The following USP7 variants were observed in gnomAD, a reference collection of about 807,000 sequenced individuals.
The protein encoded by USP7 is ubiquitin specific peptidase 7.
USP7 carries 9 observed loss-of-function variants against 162.9 expected under a neutral mutation model. That is an observed-to-expected ratio of 0.06 (90% CI 0.03 to 0.10). USP7 has a LOEUF of 0.10. Among genes scored for constraint, USP7 ranks in the 10% least tolerant of loss-of-function variants. The pLI, the probability that USP7 is intolerant of heterozygous loss-of-function variation, is 1.00. For synonymous variants in USP7, 562 were observed against 475.9 expected (o/e 1.18, Z -2.35); for missense variants, 715 against 1,373.7 (o/e 0.52, Z 7.58).
At chr16:8,943,616 G>A (rs887473709) in intron 1 of USP7, among the ~76,000 whole-genome samples, 2 of 152,066 alleles carry the variant, frequency 1.3e-5, no homozygotes, top group Admixed American at 6.6e-5. Context: ...CTGGATTAAC[G>A]GTGAAAAGCA....
intron 5 of USP7, among the ~76,000 whole-genome samples, chr16:8,919,558 T>A (rs1897567814): frequency 6.6e-6 from 1 of 151,562 alleles, no homozygotes; most frequent in South Asian, 2.1e-4. Flanking sequence ...GAAACAGAAG[T>A]GTGTATTCAC....
At chr16:8,899,433 G>T (rs940583927) in intron 22 of USP7, 171 bp downstream of exon 22, 2 of 925,042 alleles carry the variant, frequency 2.2e-6, no homozygotes, top group Non-Finnish European at 3.2e-6. Context: ...TTCTGATGGC[G>T]ATTATTCTAG....
chr16:8,955,503 A>T (rs1332278136), intron 1 of USP7, among the ~76,000 whole-genome samples: 3 of 152,104 alleles, frequency 2.0e-5, no homozygotes, highest in Non-Finnish European at 2.9e-5. Flanking sequence ...GAGGCAGCTC[A>T]TGAGGTCAGG....
In USP7 at chr16:8,897,215, A is replaced by G. The variant is rs560345254; in HGVS notation, c.2719-116T>C. On this transcript the variant is annotated intron_variant, in intron 25 of 30. Transcript: ENST00000344836. ...TCTCAACTGTCCCCAGCTGGCCCCC[A>G]TGTTCTTGCTCTCATTCCCACCCCA... The G allele has an allele frequency of 3.8e-6, 3 of 783,582 alleles. No homozygotes were observed. In the East Asian group the frequency reaches 7.5e-5, roughly 19 times the overall value. The allele number at this position is 783,582 out of a possible 1,614,324, so 48.5% of individuals were successfully genotyped here.
Position 8,915,520 on chromosome 16 carries a change from G to C in USP7, c.912C>G (p.Leu304=). The C allele has an allele frequency of 1.9e-6, 3 of 1,612,410 alleles. No homozygotes were observed. Among genetic ancestry groups the C allele is most frequent in the East Asian group, 2.2e-5 (1 of 44,850 alleles). Residue 304 remains leucine (L), a synonymous_variant, in exon 9 of 31, where the codon CTC becomes CTG. Transcript: ENST00000344836. Reference sequence around the variant, plus strand: ...CTTTCATCTTATTTTCCACATTATCGAGCAACTGAAAAAGAATGTTTTGGC... The same window carrying C: ...CTTTCATCTTATTTTCCACATTATCCAGCAACTGAAAAAGAATGTTTTGGC... ...HDVQELCRVL[L]DNVENKMKGT...
chr16:8,893,883 C>A lies in USP7; in HGVS notation c.*115G>T. On this transcript the variant is annotated 3_prime_UTR_variant, in exon 31 of 31. Transcript: ENST00000344836. Reference sequence around the variant, plus strand: ...CAGCCTCAATAAAATAAAATTAACACCAGCAGCGAATCCTCTTGCTGAAGA... The same window carrying A: ...CAGCCTCAATAAAATAAAATTAACAACAGCAGCGAATCCTCTTGCTGAAGA... The A allele has an allele frequency of 2.3e-6, 2 of 883,508 alleles. No individual in the cohort carries two copies. Among genetic ancestry groups the A allele is most frequent in the Admixed American group, 2.0e-5 (1 of 51,128 alleles). The allele number at this position is 883,508 out of a possible 1,614,324, so 54.7% of individuals were successfully genotyped here.
At chr16:8,895,486 C>A (rs2061667380) in intron 27 of USP7, among the ~76,000 whole-genome samples, 156 bp downstream of exon 27, 1 of 152,184 alleles carries the variant, frequency 6.6e-6, no homozygotes, top group African/African-American at 2.4e-5. Context: ...AATTTCTGTG[C>A]AAAAACACTG....
chr16:8,910,941 C>A (rs1170154976), intron 10 of USP7, 114 bp from the exon 11 acceptor site: 1 of 850,786 alleles, frequency 1.2e-6, no homozygotes, highest in African/African-American at 1.7e-5. Flanking sequence ...AGGTAAACAA[C>A]ACTAACAGTA....
At chr16:8,909,703 G>T (rs1034030977) in intron 11 of USP7, among the ~76,000 whole-genome samples, 2 of 152,140 alleles carry the variant, frequency 1.3e-5, no homozygotes, top group East Asian at 3.9e-4. Context: ...CGAGGCAGGC[G>T]GATCACAAGG....
chr16:8,933,728 G>A (rs1222322832), intron 1 of USP7, among the ~76,000 whole-genome samples: 2 of 151,532 alleles, frequency 1.3e-5, no homozygotes, highest in African/African-American at 4.8e-5. Flanking sequence ...GGGATTACAG[G>A]CATGTGCCAC....
At position 8,963,876 on chromosome 16, in the gene USP7, C is replaced by G. The variant is rs1413405673; in HGVS notation, c.-591G>C. ...CGGCGCCCGGCAGCTCGGCTCGGCT[C>G]GCTCTCAAAATGGCGGCGGCGTGAA... On this transcript the variant is annotated 5_prime_UTR_variant, in exon 1 of 31. Coordinates refer to ENST00000344836, the MANE Select transcript of USP7 (RefSeq NM_003470.3). 1.4e-5 allele frequency among the ~76,000 whole-genome samples: 2 copies of G among 146,806 alleles called. No individual in the cohort carries two copies. Among genetic ancestry groups the G allele is most frequent in the African/African-American group, 4.9e-5 (2 of 40,912 alleles).
At chr16:8,902,898 G>C (rs561832985) in intron 16 of USP7, among the ~76,000 whole-genome samples, 2 of 152,206 alleles carry the variant, frequency 1.3e-5, no homozygotes, top group Admixed American at 6.5e-5. Context: ...AAAAAAGACT[G>C]TGATTCTAAG....
intron 25 of USP7, among the ~76,000 whole-genome samples, chr16:8,897,747 A>ATATATATATATATATATATATATAT (rs1491214554): frequency 8.5e-6 from 1 of 117,964 alleles, no homozygotes; most frequent in African/African-American, 3.3e-5. Flanking sequence ...ATATATATAT[A>ATATATATATATATATATATATATAT]AATGAGTTGG....
At chr16:8,907,632 G>A (rs1030960833) in intron 12 of USP7, among the ~76,000 whole-genome samples, 1 of 152,110 alleles carries the variant, frequency 6.6e-6, no homozygotes, top group South Asian at 2.1e-4. Flanking sequence ...GAGGCCGGCA[G>A]ATCACTTGAG....
chr16:8,930,687 G>C (rs1398500003), intron 1 of USP7, among the ~76,000 whole-genome samples: 1 of 152,110 alleles, frequency 6.6e-6, no homozygotes, highest in Non-Finnish European at 1.5e-5. Flanking sequence ...CTCTTATGTA[G>C]GCCAGACATG....
chr16:8,899,217 T>A (rs2061737049), intron 22 of USP7, 29 bp from the exon 23 acceptor site: 2 of 1,611,518 alleles, frequency 1.2e-6, no homozygotes, highest in African/African-American at 2.7e-5. Context: ...GGTTCACATT[T>A]TGGGGAAAAA....
At chr16:8,961,112 C>T (rs554543494) in intron 1 of USP7, among the ~76,000 whole-genome samples, 2 of 152,246 alleles carry the variant, frequency 1.3e-5, no homozygotes, top group South Asian at 2.1e-4. Context: ...GAAAATAAAG[C>T]TTCATTTTAT....
intron 26 of USP7, among the ~76,000 whole-genome samples, 176 bp downstream of exon 26, chr16:8,896,823 C>A (rs2257181): frequency 0.27 from 41,151 of 152,118 alleles, 5,742 homozygotes; most frequent in South Asian, 0.34. Context: ...TGGAGCAACA[C>A]TGGGTCTGTG....
In USP7 at chr16:8,916,573, AAAC is replaced by A; in HGVS notation, c.852-20_852-18del. ...GTTTCCCACCTTTCAAAGATAAAACAAACAACTCCATTTAAAGCTCAACTTTCA... is the reference window on the plus strand; with the variant it reads ...GTTTCCCACCTTTCAAAGATAAAACAAACTCCATTTAAAGCTCAACTTTCA... On this transcript the variant is annotated intron_variant, in intron 7 of 30. Transcript: ENST00000344836. The A allele has an allele frequency of 6.7e-7, 1 of 1,486,868 alleles. No homozygotes were observed. Among genetic ancestry groups the A allele is most frequent in the Non-Finnish European group, 8.9e-7 (1 of 1,125,922 alleles). 92.1% of individuals were successfully genotyped at this position (1,486,868 alleles called of 1,614,324 possible).
Sources: gnomAD v4.1 joint callset for allele counts (sites outside exome capture counted in the v4.1 genomes callset) on GRCh38, gnomAD v4.1.1 for gene constraint, MANE v1.5 for transcripts, NCBI Gene and HGNC (gene_info 2026-07-23, HGNC 2026-07-21) for gene names.